The following TMCC1 variants were observed in gnomAD, a reference collection of about 807,000 sequenced individuals.
The protein encoded by TMCC1 is transmembrane and coiled-coil domains protein 1.
A neutral mutation model predicts 52.4 loss-of-function variants in TMCC1; 15 were observed. That is an observed-to-expected ratio of 0.29 (90% CI 0.19 to 0.44). The LOEUF is 0.44. Ranked by LOEUF, TMCC1 falls within the 20% of genes least tolerant of loss-of-function variation. The probability of loss-of-function intolerance (pLI) is 1.00; values close to 1 mark genes in which losing one functional copy is unlikely to be tolerated. For synonymous variants in TMCC1, 279 were observed against 301.9 expected, an observed-to-expected ratio of 0.92 and a Z score of 0.79; for missense variants, 503 against 806.0, an observed-to-expected ratio of 0.62 and a Z score of 4.55.
At chr3:129,657,421 T>A (rs1369849567) in intron 5 of TMCC1, among the ~76,000 whole-genome samples, 3 of 152,198 alleles carry the variant, frequency 2.0e-5, no homozygotes, top group African/African-American at 7.2e-5. Flanking sequence ...ATTTTATAGA[T>A]GAGGAAACAG....
chr3:129,840,264 C>T (rs759218282), intron 2 of TMCC1, among the ~76,000 whole-genome samples: 7 of 137,996 alleles, frequency 5.1e-5, no homozygotes, highest in Non-Finnish European at 9.0e-5. Flanking sequence ...GAGGTCAAGG[C>T]TGCAATGAGC....
chr3:129,721,704 C>CAAAAA (rs765601986), intron 4 of TMCC1, among the ~76,000 whole-genome samples: 7 of 76,052 alleles, frequency 9.2e-5, no homozygotes, highest in African/African-American at 2.6e-4. Flanking sequence ...ACTAAAAATA[C>CAAAAA]AAAAAAAAAA....
At chr3:129,754,137 C>G (rs2052778786) in intron 4 of TMCC1, among the ~76,000 whole-genome samples, 1 of 152,122 alleles carries the variant, frequency 6.6e-6, no homozygotes, top group South Asian at 2.1e-4. Flanking sequence ...TATCACAGCC[C>G]CCTCCCATTA....
chr3:129,804,061 A>C (rs1246699317), intron 4 of TMCC1, among the ~76,000 whole-genome samples: 2 of 152,178 alleles, frequency 1.3e-5, no homozygotes, highest in African/African-American at 2.4e-5. Flanking sequence ...CTCTTCTCTT[A>C]TAGACTACAA....
rs531360107 is a variant in TMCC1 at position 129,853,907 on chromosome 3, CCAT to C, written c.-183-21084_-183-21082del. ...CTCTCTTCTCCACTTCATATTCTAC[CCAT>C]CATCAAGTTCTGCTGACTATATCTC... On this transcript the variant is annotated intron_variant, in intron 2 of 6. Transcript: ENST00000393238. 1.1e-4 allele frequency among the ~76,000 whole-genome samples: 16 copies of C among 152,162 alleles called. No homozygotes were observed. The South Asian group carries it at 3.3e-3, about 31-fold the overall frequency.
rs916934515 is a variant in TMCC1 at position 129,795,287 on chromosome 3, G to A, written c.576+32516C>T. ...AAATAACTGTAAGAGCAGTTCCAAA[G>A]ATAAAAATATTCCTATCTTTGCCAC... On this transcript the variant is annotated intron_variant, in intron 4 of 6. Transcript: ENST00000393238. 4.6e-5 allele frequency among the ~76,000 whole-genome samples: 7 copies of A among 152,298 alleles called. No homozygotes were observed. The South Asian group carries it at 6.2e-4, about 14-fold the overall frequency.
At chr3:129,692,437 T>C (rs1405375313) in intron 4 of TMCC1, among the ~76,000 whole-genome samples, 1 of 152,190 alleles carries the variant, frequency 6.6e-6, no homozygotes, top group Admixed American at 6.6e-5. Flanking sequence ...GAGTAAAACA[T>C]TGTTTAAACA....
chr3:129,839,232 G>T (rs1211742972), intron 2 of TMCC1, among the ~76,000 whole-genome samples: 1 of 152,110 alleles, frequency 6.6e-6, no homozygotes, highest in Admixed American at 6.6e-5. Context: ...TACCCCACAG[G>T]TAAAAGTAAA....
chr3:129,799,030 T>C (rs761693130), intron 4 of TMCC1, among the ~76,000 whole-genome samples: 1 of 152,184 alleles, frequency 6.6e-6, no homozygotes, highest in Non-Finnish European at 1.5e-5. Context: ...CAACTGCCAA[T>C]ATAAATAACC....
intron 4 of TMCC1, among the ~76,000 whole-genome samples, chr3:129,723,137 A>C (rs2049766879): frequency 6.6e-6 from 1 of 152,180 alleles, no homozygotes; most frequent in African/African-American, 2.4e-5. Context: ...ACTATAGGCT[A>C]AGTTTGTACT....
chr3:129,680,413 T>G (rs1488824730), intron 4 of TMCC1, among the ~76,000 whole-genome samples: 1 of 152,198 alleles, frequency 6.6e-6, no homozygotes, highest in Non-Finnish European at 1.5e-5. Context: ...AATCTCCATT[T>G]TATAGCCGAA....
At chr3:129,665,711 T>G (rs1007354382) in intron 5 of TMCC1, among the ~76,000 whole-genome samples, 1 of 152,192 alleles carries the variant, frequency 6.6e-6, no homozygotes, top group Non-Finnish European at 1.5e-5. Flanking sequence ...CATCCTGGTA[T>G]GAAAATAACA....
intron 2 of TMCC1, among the ~76,000 whole-genome samples, chr3:129,870,788 G>C (rs1029487103): frequency 7.9e-6 from 1 of 126,836 alleles, no homozygotes; most frequent in African/African-American, 3.0e-5. Flanking sequence ...AAAAAGATAT[G>C]GTAGCTAAAG....
intron 2 of TMCC1, among the ~76,000 whole-genome samples, chr3:129,851,176 C>A (rs977834226): frequency 6.8e-6 from 1 of 146,734 alleles, no homozygotes; most frequent in Non-Finnish European, 1.5e-5. Flanking sequence ...TAAATCAGTA[C>A]ACAGCCAGAG....
intron 1 of TMCC1, among the ~76,000 whole-genome samples, chr3:129,889,175 G>C (rs2108016509): frequency 6.6e-6 from 1 of 152,200 alleles, no homozygotes; most frequent in South Asian, 2.1e-4. Flanking sequence ...CGGACATTGA[G>C]GTCAGAGGAT....
At chr3:129,873,579 A>C (rs180809932) in intron 2 of TMCC1, among the ~76,000 whole-genome samples, 1 of 152,188 alleles carries the variant, frequency 6.6e-6, no homozygotes, top group Non-Finnish European at 1.5e-5. Context: ...AGTCGGGAGG[A>C]TAAGGCAAGA....
intron 4 of TMCC1, 77 bp downstream of exon 4, chr3:129,827,726 T>C: frequency 6.7e-7 from 1 of 1,498,156 alleles, no homozygotes; most frequent in Admixed American, 2.2e-5. Flanking sequence ...ATCTTTTTAG[T>C]TACCAAAGGA....
chr3:129,778,678 G>A (rs1382839263), intron 4 of TMCC1, among the ~76,000 whole-genome samples: 5 of 151,106 alleles, frequency 3.3e-5, no homozygotes, highest in African/African-American at 1.2e-4. Context: ...TCATGGTGGG[G>A]GGGGGGCAGT....
intron 4 of TMCC1, among the ~76,000 whole-genome samples, chr3:129,686,488 A>AT (rs1490835912): frequency 6.6e-6 from 1 of 151,762 alleles, no homozygotes; most frequent in East Asian, 1.9e-4. Flanking sequence ...TGCTTATCCT[A>AT]TTTTTTCTCA....
Sources: gnomAD v4.1 joint callset for allele counts (sites outside exome capture counted in the v4.1 genomes callset) on GRCh38, gnomAD v4.1.1 for gene constraint, MANE v1.5 for transcripts, NCBI Gene and HGNC (gene_info 2026-07-23, HGNC 2026-07-21) for gene names.